The following NELL2 variants were observed in gnomAD, a reference collection of about 807,000 sequenced individuals.
NELL2 encodes protein kinase C-binding protein NELL2.
Under a neutral mutation model 109.6 loss-of-function variants are expected in NELL2, and 41 were observed. The ratio of observed to expected loss-of-function variants is 0.37; its 90% confidence interval spans 0.29 to 0.49. The LOEUF is 0.49. Ranked by LOEUF, NELL2 falls within the 20% of genes least tolerant of loss-of-function variation. NELL2 has a pLI of 0.98. For missense variants in NELL2, 900 were observed against 1,008.3 expected, an observed-to-expected ratio of 0.89 and a Z score of 1.45; for synonymous variants, 355 against 344.7, an observed-to-expected ratio of 1.03 and a Z score of -0.33.
chr12:44,814,865 C>T (rs1046450264), intron 3 of NELL2, among the ~76,000 whole-genome samples: 17 of 151,998 alleles, frequency 1.1e-4, no homozygotes, highest in African/African-American at 2.7e-4. Flanking sequence ...GCCTCATCTG[C>T]GATAAGAGAA....
chr12:44,884,575 A>T (rs1175474198), intron 1 of NELL2, among the ~76,000 whole-genome samples: 2 of 152,088 alleles, frequency 1.3e-5, no homozygotes, highest in Admixed American at 6.5e-5. Flanking sequence ...AGACAAAGAC[A>T]GTTACATAAC....
At chr12:44,821,813 G>GCCTCCCAGC (rs1566472240) in intron 2 of NELL2, among the ~76,000 whole-genome samples, 2 of 151,760 alleles carry the variant, frequency 1.3e-5, no homozygotes, top group Admixed American at 6.6e-5. Context: ...CGCCTCCCAG[G>GCCTCCCAGC]TTCAACTGAT....
intron 3 of NELL2, among the ~76,000 whole-genome samples, chr12:44,811,883 AGCTCTT>A (rs1943190888): frequency 1.3e-5 from 2 of 151,942 alleles, no homozygotes. Context: ...GGATAGCTCA[AGCTCTT>A]GCTCTTGCTC....
rs569317782 is a variant in NELL2 at position 44,755,415 on chromosome 12, C to A, written c.994+19332G>T. ...ATTCATAGACACTCCCCTTCATTCACTGCTGACTTTGAAATCTGGTCACAG... is the reference window on the plus strand; with the variant it reads ...ATTCATAGACACTCCCCTTCATTCAATGCTGACTTTGAAATCTGGTCACAG... On this transcript the variant is annotated intron_variant, in intron 9 of 19. Coordinates refer to ENST00000429094, the MANE Select transcript of NELL2 (RefSeq NM_001145108.2). Among the ~76,000 whole-genome samples, 3 of 152,188 alleles carry A rather than the reference C, an allele frequency of 2.0e-5. No individual in the cohort carries two copies. In the East Asian group the frequency reaches 5.8e-4, roughly 29 times the overall value.
At chr12:44,806,481 A>G (rs1200249995) in intron 3 of NELL2, among the ~76,000 whole-genome samples, 2 of 151,864 alleles carry the variant, frequency 1.3e-5, no homozygotes, top group African/African-American at 4.8e-5. Flanking sequence ...ATTCACCTAT[A>G]TTTGGTGTGT....
intron 12 of NELL2, among the ~76,000 whole-genome samples, chr12:44,690,484 G>A (rs1715602460): frequency 6.6e-6 from 1 of 151,988 alleles, no homozygotes. Context: ...GCTCCTAGAT[G>A]GTGGCCCATG....
chr12:44,702,567 A>C (rs936709146), intron 12 of NELL2, among the ~76,000 whole-genome samples: 5 of 152,192 alleles, frequency 3.3e-5, no homozygotes, highest in African/African-American at 1.2e-4. Flanking sequence ...AAATATTATA[A>C]TCAAAATACA....
At chr12:44,803,227 C>A (rs1234147554) in intron 3 of NELL2, among the ~76,000 whole-genome samples, 2 of 71,168 alleles carry the variant, frequency 2.8e-5, no homozygotes, top group African/African-American at 4.3e-5. Flanking sequence ...TGGAACTGCT[C>A]CAGATTGAAG....
chr12:44,625,346 T>C (rs1238580412), intron 13 of NELL2, among the ~76,000 whole-genome samples: 4 of 152,044 alleles, frequency 2.6e-5, no homozygotes, highest in African/African-American at 9.7e-5. Context: ...AAAAGGGAAT[T>C]GGCCCCACCA....
At chr12:44,670,363 C>T (rs931499778) in intron 12 of NELL2, among the ~76,000 whole-genome samples, 4 of 151,860 alleles carry the variant, frequency 2.6e-5, no homozygotes, top group South Asian at 2.1e-4. Flanking sequence ...AATATTATCA[C>T]TATAAAAAAA....
chr12:44,677,017 G>A (rs906816831), intron 12 of NELL2, among the ~76,000 whole-genome samples: 1 of 152,038 alleles, frequency 6.6e-6, no homozygotes, highest in African/African-American at 2.4e-5. Context: ...GAAGGACAGC[G>A]CCATCTGGAA....
intron 15 of NELL2, among the ~76,000 whole-genome samples, chr12:44,582,045 A>C (rs1361899524): frequency 6.6e-6 from 1 of 152,212 alleles, no homozygotes; most frequent in African/African-American, 2.4e-5. Context: ...TTTCAAGGCT[A>C]ATTACTTCCT....
At chr12:44,710,357 C>T (rs1247249105) in intron 11 of NELL2, among the ~76,000 whole-genome samples, 3 of 152,092 alleles carry the variant, frequency 2.0e-5, no homozygotes, top group Admixed American at 2.0e-4. Context: ...TGTTATACAG[C>T]ACCAATTACA....
chr12:44,523,169 T>C lies in NELL2; in HGVS notation c.1998+122A>G. ...GGATAATGGAAGTGTTCTGTTATAT[T>C]AATTGTGATGGTAGGTAAGTGGATG... is the stretch of plus-strand genomic sequence containing the variant. On this transcript the variant is annotated intron_variant, in intron 17 of 19. Transcript: ENST00000429094. The C allele has an allele frequency of 8.4e-6, 8 of 950,436 alleles. No individual in the cohort carries two copies. In the South Asian group the frequency reaches 1.2e-4, roughly 14 times the overall value. The allele number at this position is 950,436 out of a possible 1,614,324, so 58.9% of individuals were successfully genotyped here.
chr12:44,717,600 A>G (rs148944101), intron 9 of NELL2, among the ~76,000 whole-genome samples: 64 of 152,318 alleles, frequency 4.2e-4, no homozygotes, highest in African/African-American at 1.5e-3. Context: ...CTGGTTAAGG[A>G]TCCAGACTGT....
intron 14 of NELL2, among the ~76,000 whole-genome samples, chr12:44,609,360 C>A (rs771745408): frequency 7.9e-5 from 12 of 152,064 alleles, no homozygotes; most frequent in Non-Finnish European, 1.6e-4. Context: ...TGTGGACACA[C>A]TGGACAAAGG....
intron 10 of NELL2, among the ~76,000 whole-genome samples, chr12:44,713,593 G>C (rs1938333610): frequency 6.6e-6 from 1 of 151,900 alleles, no homozygotes; most frequent in African/African-American, 2.4e-5. Flanking sequence ...TTGGAAAGCT[G>C]ATTTAAAACT....
chr12:44,808,490 A>G (rs939493378), intron 3 of NELL2, among the ~76,000 whole-genome samples: 2 of 152,044 alleles, frequency 1.3e-5, no homozygotes, highest in African/African-American at 4.8e-5. Context: ...ATAAATAATG[A>G]TATAGAAACA....
chr12:44,720,725 C>T (rs556449343), intron 9 of NELL2, among the ~76,000 whole-genome samples: 97 of 152,270 alleles, frequency 6.4e-4, no homozygotes, highest in African/African-American at 2.3e-3. Flanking sequence ...ATGAATTAGA[C>T]ATGATCCTGC....
Sources: allele counts gnomAD v4.1 joint callset (sites outside exome capture counted in the v4.1 genomes callset), GRCh38; gene constraint gnomAD v4.1.1; transcripts MANE v1.5; gene names NCBI Gene and HGNC (gene_info 2026-07-23, HGNC 2026-07-21).